PRKAA2: variants seen among roughly 807,000 people sequenced by gnomAD.
PRKAA2 encodes protein kinase AMP-activated catalytic subunit alpha 2, also known as 5'-AMP-activated protein kinase catalytic subunit alpha-2.
In PRKAA2, 40 loss-of-function variants were observed where a neutral mutation model predicts 56.3. That is an observed-to-expected ratio of 0.71 (90% CI 0.55 to 0.92). PRKAA2 has a LOEUF of 0.92. Ranked by LOEUF, PRKAA2 falls within the 40% of genes least tolerant of loss-of-function variation. The pLI is 0.00. For synonymous variants in PRKAA2, 214 were observed against 234.2 expected (o/e 0.91, Z 0.79); for missense variants, 542 against 686.9 (o/e 0.79, Z 2.36).
intron 4 of PRKAA2, 97 bp downstream of exon 4, chr1:56,692,599 C>A: frequency 8.0e-7 from 1 of 1,246,574 alleles, no homozygotes; most frequent in East Asian, 2.6e-5. Flanking sequence ...CTTGTACGTT[C>A]TGTACCATGA....
rs901764220 is a variant in PRKAA2, at chr1:56,714,932, T to C, written c.*7219T>C. The C allele has an allele frequency of 2.6e-5, 4 of 152,134 alleles. No individual in the cohort carries two copies. The highest frequency in any genetic ancestry group is 2.0e-4 in the Admixed American group (3 of 15,260). The allele number at this position is 152,134 out of a possible 1,614,324, so 9.4% of individuals were successfully genotyped here. ...GAAAAAGAAAAAAAAATCCATAGGT[T>C]GATACATTGACCCATTGAAGTACTT... On this transcript the variant is annotated 3_prime_UTR_variant, in exon 9 of 9. Transcript: ENST00000371244.
chr1:56,706,292 T>C, intron 8 of PRKAA2, 74 bp downstream of exon 8: 1 of 1,540,090 alleles, frequency 6.5e-7, no homozygotes, highest in Non-Finnish European at 8.8e-7. Flanking sequence ...TAAAATCATC[T>C]CGAAGACATC....
intron 2 of PRKAA2, among the ~76,000 whole-genome samples, chr1:56,678,734 T>C (rs1644132163): frequency 6.7e-6 from 1 of 149,342 alleles, no homozygotes; most frequent in African/African-American, 2.5e-5. Flanking sequence ...CTCGCTCTGT[T>C]GCCCAGGCTG....
At chr1:56,654,734 C>T (rs1643927022) in intron 1 of PRKAA2, among the ~76,000 whole-genome samples, 2 of 152,106 alleles carry the variant, frequency 1.3e-5, no homozygotes, top group Non-Finnish European at 2.9e-5. Context: ...GCAGTTATCT[C>T]TGCTAATAAT....
At chr1:56,703,677 T>G (rs1475736904) in intron 6 of PRKAA2, among the ~76,000 whole-genome samples, 1 of 152,226 alleles carries the variant, frequency 6.6e-6, no homozygotes, top group Non-Finnish European at 1.5e-5. Context: ...AAATTTTTGC[T>G]TGAAAGCTTG....
In PRKAA2 at chr1:56,709,452, G is replaced by A. The variant is rs1350480846; in HGVS notation, c.*1739G>A. The A allele has an allele frequency of 1.3e-5, 2 of 152,090 alleles. No homozygotes were observed. The highest frequency in any genetic ancestry group is 4.8e-5 in the African/African-American group (2 of 41,416). The allele number at this position is 152,090 out of a possible 1,614,324, so 9.4% of individuals were successfully genotyped here. A position where few individuals can be genotyped will look rare whatever the true frequency, so the allele number is the denominator to read the frequency against. The stretch of plus-strand genomic sequence containing the variant: ...CGGGTTGCAATTTGAGATAGTTTAA[G>A]GTTTAATTATTGAAAGACTGCCATC... On this transcript the variant is annotated 3_prime_UTR_variant, in exon 9 of 9. Transcript: ENST00000371244.
At chr1:56,664,395 A>T (rs1557546525) in intron 1 of PRKAA2, among the ~76,000 whole-genome samples, 1 of 152,144 alleles carries the variant, frequency 6.6e-6, no homozygotes, top group African/African-American at 2.4e-5. Context: ...TTTGATATCC[A>T]TGCATAGTTT....
rs1269364756 is a variant in PRKAA2 at position 56,704,016 on chromosome 1, T to C, written c.834T>C (p.Pro278=). Residue 278 remains proline, a synonymous_variant, in exon 7 of 9, where the codon CCT becomes CCC. Coordinates refer to ENST00000371244, the MANE Select transcript of PRKAA2 (RefSeq NM_006252.4). ...FKQDLPSYLF[P]EDPSYDANVI... ...AAGATTTGCCCAGTTACTTATTTCCTGAAGACCCTTCCTATGATGCTAACG... is the reference window on the plus strand; with the variant it reads ...AAGATTTGCCCAGTTACTTATTTCCCGAAGACCCTTCCTATGATGCTAACG... 1 of 1,613,520 alleles carries C rather than the reference T, an allele frequency of 6.2e-7. No homozygotes were observed. Among genetic ancestry groups the C allele is most frequent in the African/African-American group, 1.3e-5 (1 of 75,044 alleles).
intron 2 of PRKAA2, among the ~76,000 whole-genome samples, chr1:56,679,476 A>G (rs934181570): frequency 1.2e-4 from 18 of 152,172 alleles, no homozygotes; most frequent in Non-Finnish European, 2.6e-4. Context: ...AAATGAAAAT[A>G]CCATTCATGC....
rs902215574 is a variant in PRKAA2, at chr1:56,692,502, G to A, written c.475G>A (p.Gly159Arg). 36 of 1,613,514 alleles carry A rather than the reference G, an allele frequency of 2.2e-5. No individual in the cohort carries two copies. The highest frequency in any genetic ancestry group is 3.0e-5 in the Non-Finnish European group (35 of 1,179,772). The change falls in exon 4 of 9, where the codon GGA becomes AGA. Residue 159 changes from glycine to arginine, a missense_variant and splice_region_variant. Coordinates refer to ENST00000371244, the MANE Select transcript of PRKAA2 (RefSeq NM_006252.4). ...AHMNAKIADFGLSNMMSDGEF... is the reference protein window; with the variant it reads ...AHMNAKIADFRLSNMMSDGEF... ...CATGAATGCCAAGATAGCCGATTTCGGTATGTAACTCCAGGGTTGTTCAGA... is the reference window on the plus strand; with the variant it reads ...CATGAATGCCAAGATAGCCGATTTCAGTATGTAACTCCAGGGTTGTTCAGA...
intron 6 of PRKAA2, among the ~76,000 whole-genome samples, chr1:56,698,372 C>A (rs1644273121): frequency 2.0e-5 from 3 of 152,114 alleles, no homozygotes; most frequent in African/African-American, 7.2e-5. Context: ...ATTTTACAAA[C>A]CATGAAACTG....
intron 6 of PRKAA2, among the ~76,000 whole-genome samples, chr1:56,696,641 T>A (rs953927482): frequency 6.6e-6 from 1 of 152,336 alleles, no homozygotes; most frequent in Middle Eastern, 3.4e-3. Flanking sequence ...AGAAAGTGTC[T>A]GAAGAAATTT....
At chr1:56,659,413 C>T (rs1643975335) in intron 1 of PRKAA2, among the ~76,000 whole-genome samples, 2 of 149,828 alleles carry the variant, frequency 1.3e-5, no homozygotes, top group Non-Finnish European at 1.5e-5. Flanking sequence ...AGGAGAATCG[C>T]TTGAATCTGG....
chr1:56,692,791 GTTTTTTT>G (rs201416995), intron 4 of PRKAA2, among the ~76,000 whole-genome samples: 1 of 135,478 alleles, frequency 7.4e-6, no homozygotes, highest in South Asian at 2.3e-4. Flanking sequence ...CTGTTTTTTT[GTTTTTTT>G]TTTTTTTGAA....
At chr1:56,686,202 C>A (rs951855028) in intron 2 of PRKAA2, among the ~76,000 whole-genome samples, 12 of 152,214 alleles carry the variant, frequency 7.9e-5, no homozygotes, top group Admixed American at 4.6e-4. Context: ...AAAGACACAG[C>A]ATTTTCTACG....
chr1:56,667,231 T>A (rs563371622), intron 1 of PRKAA2, among the ~76,000 whole-genome samples: 2 of 152,274 alleles, frequency 1.3e-5, no homozygotes, highest in African/African-American at 4.8e-5. Flanking sequence ...TCGTTCCTCA[T>A]TTCATTCATT....
intron 1 of PRKAA2, among the ~76,000 whole-genome samples, chr1:56,649,061 C>T (rs1405969458): frequency 6.6e-6 from 1 of 151,958 alleles, no homozygotes; most frequent in African/African-American, 2.4e-5. Context: ...TTCATGAGGT[C>T]CAATTTATTA....
chr1:56,707,948 T>C lies in PRKAA2; in HGVS notation c.*235T>C. Reference sequence around the variant, plus strand: ...AAATTCACATAGGCAATATCTTTAATAGGTTAATATCAATGAAGATTTTTA... The same window carrying C: ...AAATTCACATAGGCAATATCTTTAACAGGTTAATATCAATGAAGATTTTTA... On this transcript the variant is annotated 3_prime_UTR_variant, in exon 9 of 9. Coordinates refer to ENST00000371244, the MANE Select transcript of PRKAA2 (RefSeq NM_006252.4). The C allele has an allele frequency of 1.9e-6, 1 of 535,136 alleles. No homozygotes were observed. Among genetic ancestry groups the C allele is most frequent in the Non-Finnish European group, 3.3e-6 (1 of 302,298 alleles). The allele number at this position is 535,136 out of a possible 1,614,324, so 33.1% of individuals were successfully genotyped here. A position where few individuals can be genotyped will look rare whatever the true frequency, so the allele number is the denominator to read the frequency against.
intron 1 of PRKAA2, among the ~76,000 whole-genome samples, chr1:56,657,525 A>C (rs962923519): frequency 2.5e-4 from 38 of 152,060 alleles, no homozygotes; most frequent in Non-Finnish European, 2.6e-4. Flanking sequence ...AAAATACAAA[A>C]ATTGGCCAGA....
Sources: gnomAD v4.1 joint callset for allele counts (sites outside exome capture counted in the v4.1 genomes callset) on GRCh38, gnomAD v4.1.1 for gene constraint, MANE v1.5 for transcripts, NCBI Gene and HGNC (gene_info 2026-07-23, HGNC 2026-07-21) for gene names.